SLC24A4: variants seen among roughly 807,000 people sequenced by gnomAD.
SLC24A4 encodes sodium/potassium/calcium exchanger 4.
In SLC24A4, 53 loss-of-function variants were observed where a neutral mutation model predicts 79.0. The ratio of observed to expected loss-of-function variants is 0.67; its 90% CI spans 0.54 to 0.84. The LOEUF (loss-of-function observed/expected upper bound fraction) is 0.84, where lower values mean the gene tolerates loss of function less well. SLC24A4 is among the 40% of genes least tolerant of loss of function. SLC24A4 has a pLI of 0.00. For synonymous variants in SLC24A4, 323 were observed against 323.8 expected (o/e 1.00, Z 0.03); for missense variants, 731 against 822.0 (o/e 0.89, Z 1.35).
At position 92,334,889 on chromosome 14, in the gene SLC24A4, G is replaced by GTCA. The variant is rs372925906; in HGVS notation, c.241+8929_241+8931dup. On this transcript the variant is annotated intron_variant, in intron 2 of 16. Coordinates refer to ENST00000532405, the MANE Select transcript of SLC24A4 (RefSeq NM_153646.4). Reference sequence around the variant, plus strand: ...TGCCATCATCATCATCATCATCATCGTCATCATCATCATCATCATCGTCAT... The same window carrying GTCA: ...TGCCATCATCATCATCATCATCATCGTCATCATCATCATCATCATCATCGTCAT... 9.3e-5 allele frequency among the ~76,000 whole-genome samples: 14 copies of GTCA among 151,220 alleles called. No homozygotes were observed. The East Asian group carries it at 9.7e-4, about 10-fold the overall frequency.
At chr14:92,418,544 A>C (rs1891107407) in intron 2 of SLC24A4, among the ~76,000 whole-genome samples, 1 of 152,214 alleles carries the variant, frequency 6.6e-6, no homozygotes, top group African/African-American at 2.4e-5. Context: ...GAATTAATTC[A>C]TATGATTATA....
chr14:92,477,866 T>C (rs1894859526), intron 12 of SLC24A4, among the ~76,000 whole-genome samples: 1 of 151,370 alleles, frequency 6.6e-6, no homozygotes, highest in Admixed American at 6.6e-5. Context: ...CACTGCAACC[T>C]CTGCCTTCTG....
intron 2 of SLC24A4, among the ~76,000 whole-genome samples, chr14:92,396,401 A>G (rs571922853): frequency 5.3e-5 from 8 of 152,330 alleles, no homozygotes; most frequent in Admixed American, 6.5e-5. Context: ...ATACCTGGGA[A>G]GTAGAAACAG....
intron 2 of SLC24A4, among the ~76,000 whole-genome samples, chr14:92,432,199 G>T (rs1285523231): frequency 1.3e-5 from 2 of 152,208 alleles, no homozygotes; most frequent in African/African-American, 4.8e-5. Flanking sequence ...ACACATGGGT[G>T]TGCAGAGCAA....
intron 2 of SLC24A4, among the ~76,000 whole-genome samples, chr14:92,345,775 A>G (rs867279311): frequency 7.9e-5 from 12 of 152,064 alleles, no homozygotes; most frequent in African/African-American, 2.9e-4. Flanking sequence ...GAGAGGGTGA[A>G]AGGGGGATGT....
intron 3 of SLC24A4, 97 bp from the exon 4 acceptor site, chr14:92,439,238 G>T (rs1250299263): frequency 4.1e-6 from 4 of 968,870 alleles, no homozygotes; most frequent in Non-Finnish European, 6.6e-6. Context: ...TGTCCGCCTG[G>T]CCTCTGCCCT....
chr14:92,483,744 A>G (rs942244391), intron 13 of SLC24A4: 12 of 1,289,864 alleles, frequency 9.3e-6, no homozygotes, highest in Admixed American at 4.6e-5. Flanking sequence ...AGAGAGGGGA[A>G]GCAGTTCCAG....
At chr14:92,404,492 G>T (rs543768819) in intron 2 of SLC24A4, among the ~76,000 whole-genome samples, 2 of 152,126 alleles carry the variant, frequency 1.3e-5, no homozygotes, top group Non-Finnish European at 2.9e-5. Flanking sequence ...CAGCACACTG[G>T]CAGGAGATGT....
Position 92,429,302 on chromosome 14 carries a change from G to A in SLC24A4, c.242-4610G>A, listed in dbSNP as rs550627926. 1.4e-4 allele frequency among the ~76,000 whole-genome samples: 21 copies of A among 152,224 alleles called. No homozygotes were observed. The South Asian group carries it at 2.3e-3, about 17-fold the overall frequency. Reference sequence around the variant, plus strand: ...GTCTGAGGTATGGTGGTAGATACACGACTGTAGGTGTTTCTCAAAACCCAT... The same window carrying A: ...GTCTGAGGTATGGTGGTAGATACACAACTGTAGGTGTTTCTCAAAACCCAT... On this transcript the variant is annotated intron_variant, in intron 2 of 16. Coordinates refer to ENST00000532405, the MANE Select transcript of SLC24A4 (RefSeq NM_153646.4).
chr14:92,428,788 G>A lies in SLC24A4; in HGVS notation c.242-5124G>A, dbSNP rs552519098. Among the ~76,000 whole-genome samples, 7 of 152,322 alleles carry A rather than the reference G, an allele frequency of 4.6e-5. No homozygotes were observed. In the East Asian group the frequency reaches 1.3e-3, roughly 29 times the overall value. Reference sequence around the variant, plus strand: ...AGTTCAGAGTCCCTTGGGGGGAGGGGACCCCCTAGAGGAGACTGAGTTGAG... The same window carrying A: ...AGTTCAGAGTCCCTTGGGGGGAGGGAACCCCCTAGAGGAGACTGAGTTGAG... On this transcript the variant is annotated intron_variant, in intron 2 of 16. Transcript: ENST00000532405.
In SLC24A4 at chr14:92,437,914, T is replaced by A. The variant is rs186580839; in HGVS notation, c.319-1421T>A. On this transcript the variant is annotated intron_variant, in intron 3 of 16. Transcript: ENST00000532405. ...AGAGAGCTGCTGCTTTAAGAAGAGA[T>A]GCTTGAGAGAGTAGAAAAAAAAGTG... is the stretch of plus-strand genomic sequence containing the variant. Among the ~76,000 whole-genome samples the A allele has an allele frequency of 1.8e-3, 275 of 152,278 alleles. 3 individuals are homozygous for A. The highest frequency in any genetic ancestry group is 6.1e-3 in the African/African-American group (253 of 41,532).
intron 2 of SLC24A4, among the ~76,000 whole-genome samples, chr14:92,399,370 G>A (rs1404700034): frequency 6.6e-6 from 1 of 152,164 alleles, no homozygotes; most frequent in Non-Finnish European, 1.5e-5. Context: ...TCCAAGATCA[G>A]ATTTTTCTTT....
chr14:92,475,558 G>A (rs9972212), intron 12 of SLC24A4, among the ~76,000 whole-genome samples: 2,873 of 152,268 alleles, frequency 0.019, 88 homozygotes, highest in African/African-American at 0.065. Flanking sequence ...GGGCTGGCGG[G>A]GTTAACGGCT....
intron 10 of SLC24A4, chr14:92,450,509 G>A (rs58097753): frequency 0.065 from 9,870 of 152,548 alleles, 632 homozygotes; most frequent in African/African-American, 0.16. Flanking sequence ...AGTTTGATTC[G>A]TGTGTCGTGT....
Position 92,486,618 on chromosome 14 carries a change from CCA to C in SLC24A4, c.1423-42_1423-41del, listed in dbSNP as rs113119617. On this transcript the variant is annotated intron_variant, in intron 13 of 16. Transcript: ENST00000532405. ...CTAATACTAGGAATATTTCTTTAGT[CCA>C]CACACTGTTGGTTGAGAGTTCATGT... 3,967 of 1,195,136 alleles carry C rather than the reference CCA, an allele frequency of 3.3e-3. 82 individuals carry two copies. In the African/African-American group the frequency reaches 0.051, roughly 15 times the overall value. The allele number at this position is 1,195,136 out of a possible 1,614,324, so 74.0% of individuals were successfully genotyped here.
rs1200469473 is a variant in SLC24A4, at chr14:92,363,305, C to A, written c.241+37327C>A. ...GGGTACAGTTGGGGCTAATACTGTG[C>A]GGGGTACCCACCTGCAGCCAGAAGT... is the stretch of plus-strand genomic sequence containing the variant. On this transcript the variant is annotated intron_variant, in intron 2 of 16. Transcript: ENST00000532405. Among the ~76,000 whole-genome samples the A allele has an allele frequency of 2.6e-5, 4 of 152,178 alleles. No individual in the cohort carries two copies. The South Asian group carries it at 8.3e-4, about 31-fold the overall frequency.
chr14:92,456,174 C>G (rs560610133), intron 11 of SLC24A4, among the ~76,000 whole-genome samples: 49 of 152,306 alleles, frequency 3.2e-4, no homozygotes, highest in Non-Finnish European at 6.5e-4. Context: ...GAAGGGGTGG[C>G]CCAGGCCCTC....
chr14:92,498,245 C>G lies in SLC24A4; in HGVS notation c.*4617C>G, dbSNP rs1339533413. 6.6e-6 allele frequency: 1 copy of G among 152,246 alleles called. No individual in the cohort carries two copies. The highest frequency in any genetic ancestry group is 1.5e-5 in the Non-Finnish European group (1 of 68,070). 9.4% of individuals were successfully genotyped at this position (152,246 alleles called of 1,614,324 possible). On this transcript the variant is annotated 3_prime_UTR_variant, in exon 17 of 17. Coordinates refer to ENST00000532405, the MANE Select transcript of SLC24A4 (RefSeq NM_153646.4). The stretch of plus-strand genomic sequence containing the variant: ...TGAGCCCCTCAAGCATGAAGCCTCC[C>G]TTGGGGCTTCTCAAAGCATGGAGAG...
intron 12 of SLC24A4, among the ~76,000 whole-genome samples, chr14:92,478,549 G>A (rs184442746): frequency 5.1e-4 from 77 of 152,028 alleles, no homozygotes; most frequent in Non-Finnish European, 8.5e-4. Context: ...TTTATTTCTG[G>A]ACTCATAATT....
Sources: allele counts gnomAD v4.1 joint callset (sites outside exome capture counted in the v4.1 genomes callset), GRCh38; gene constraint gnomAD v4.1.1; transcripts MANE v1.5; gene names NCBI Gene and HGNC (gene_info 2026-07-23, HGNC 2026-07-21).